Variants in SPAG17 observed in about 807,000 individuals in gnomAD.
SPAG17 encodes the protein sperm associated antigen 17, also known as sperm-associated antigen 17.
Under a neutral mutation model 273.6 loss-of-function variants are expected in SPAG17, and 169 were observed. The ratio of observed to expected loss-of-function variants is 0.62; its 90% confidence interval spans 0.55 to 0.70. The LOEUF (loss-of-function observed/expected upper bound fraction) is 0.70, where lower values mean the gene tolerates loss of function less well. SPAG17 is among the 30% of genes least tolerant of loss of function. SPAG17 has a pLI of 0.00. For synonymous variants in SPAG17, 825 were observed against 873.2 expected, an observed-to-expected ratio of 0.94 and a Z score of 0.97; for missense variants, 2,557 against 2,627.8, an observed-to-expected ratio of 0.97 and a Z score of 0.59.
Position 118,036,866 on chromosome 1 carries a change from T to C in SPAG17, c.3337A>G (p.Asn1113Asp). Residue 1113 changes from asparagine (N) to aspartate (D), a missense_variant, in exon 24 of 49, where the codon AAT (asparagine) becomes GAT (aspartate). Transcript: ENST00000336338. ...SLETEVSDAK[N>D]KAFSKFGSFS... ...GATCCAAACTTGCTGAAAGCTTTAT[T>C]CTTTGCATCTGATACTTCTAAAATA... 6.4e-7 allele frequency: 1 copy of C among 1,555,572 alleles called. No individual in the cohort carries two copies. Among genetic ancestry groups the C allele is most frequent in the South Asian group, 1.2e-5 (1 of 84,340 alleles).
At chr1:118,056,883 C>A (rs1425585284) in intron 18 of SPAG17, among the ~76,000 whole-genome samples, 1 of 152,184 alleles carries the variant, frequency 6.6e-6, no homozygotes, top group Non-Finnish European at 1.5e-5. Context: ...CATCCAAATT[C>A]TCTGGCATTT....
intron 7 of SPAG17, among the ~76,000 whole-genome samples, chr1:118,093,880 C>T (rs1479773437): frequency 6.6e-6 from 1 of 152,150 alleles, no homozygotes; most frequent in Non-Finnish European, 1.5e-5. Context: ...CTAAGAAATC[C>T]TAATAGACTA....
intron 3 of SPAG17, among the ~76,000 whole-genome samples, chr1:118,148,378 T>C (rs781310553): frequency 3.3e-4 from 50 of 152,104 alleles, no homozygotes; most frequent in African/African-American, 4.8e-5. Flanking sequence ...TCCTCCACAC[T>C]CGGCAAGGGT....
chr1:118,022,493 A>C (rs763094288), intron 28 of SPAG17, among the ~76,000 whole-genome samples: 3 of 152,204 alleles, frequency 2.0e-5, no homozygotes, highest in Non-Finnish European at 4.4e-5. Flanking sequence ...AATGCAAATC[A>C]ACATAATAAG....
chr1:118,054,241 A>G, intron 19 of SPAG17, 148 bp from the exon 20 acceptor site: 1 of 596,032 alleles, frequency 1.7e-6, no homozygotes, highest in Non-Finnish European at 2.9e-6. Flanking sequence ...CATCTCTAGA[A>G]TGAACATCTG....
intron 32 of SPAG17, among the ~76,000 whole-genome samples, chr1:118,001,389 G>A (rs1434576615): frequency 1.3e-5 from 2 of 152,210 alleles, no homozygotes; most frequent in African/African-American, 4.8e-5. Context: ...AGTTTCAGAA[G>A]GAATGGTACC....
rs146340612 is a variant in SPAG17, at chr1:118,052,409, G to T, written c.2814+1593C>A. Among the ~76,000 whole-genome samples, 423 of 151,652 alleles carry T rather than the reference G, an allele frequency of 2.8e-3. 1 individual carries two copies. Among genetic ancestry groups the T allele is most frequent in the Non-Finnish European group, 5.0e-3 (341 of 67,748 alleles). On this transcript the variant is annotated intron_variant, in intron 20 of 48. Transcript: ENST00000336338. ...ACCAGGGGCTGCAGGAAAGGGGATC[G>T]GGAAGATGTTGGTCAAGGGATGTGA...
intron 48 of SPAG17, chr1:117,959,698 C>A (rs1210047957): frequency 9.5e-6 from 3 of 316,866 alleles, no homozygotes; most frequent in African/African-American, 4.3e-5. Context: ...TTGAGCCTTG[C>A]AGCTCAAGCT....
At chr1:118,181,916 G>A (rs1239858956) in intron 1 of SPAG17, among the ~76,000 whole-genome samples, 1 of 152,056 alleles carries the variant, frequency 6.6e-6, no homozygotes, top group East Asian at 1.9e-4. Context: ...AGGAGTTTGA[G>A]ATCAGCCTGG....
intron 7 of SPAG17, 82 bp downstream of exon 7, chr1:118,097,588 T>C: frequency 8.7e-7 from 1 of 1,148,774 alleles, no homozygotes; most frequent in Admixed American, 2.7e-5. Context: ...TCAGTAACTA[T>C]CTATGTGATG....
chr1:118,179,257 T>C (rs1024702644), intron 1 of SPAG17, among the ~76,000 whole-genome samples: 3 of 151,968 alleles, frequency 2.0e-5, no homozygotes, highest in Non-Finnish European at 4.4e-5. Flanking sequence ...TGGAACAGAA[T>C]AGAGCACTCA....
In SPAG17 at chr1:117,990,884, G is replaced by C; in HGVS notation, c.5498C>G (p.Thr1833Ser). 1.9e-6 allele frequency: 3 copies of C among 1,571,768 alleles called. No individual in the cohort carries two copies. The highest frequency in any genetic ancestry group is 2.6e-6 in the Non-Finnish European group (3 of 1,152,608). Residue 1833 changes from threonine (T) to serine (S), a missense_variant, in exon 38 of 49, where the codon ACT becomes AGT. By Grantham distance (58) the Thr-to-Ser change is moderately conservative. Transcript: ENST00000336338. ...ACCTTCAGTAACATGACTTTTTGTAGTTTCCTCCATTTTAGGGAAAGACTG... is the reference window on the plus strand; with the variant it reads ...ACCTTCAGTAACATGACTTTTTGTACTTTCCTCCATTTTAGGGAAAGACTG... ...LVMSFPKMEE[T>S]TKSHVTEVAA...
rs377437800 is a variant in SPAG17 at position 118,005,654 on chromosome 1, G to A, written c.4588-52C>T. On this transcript the variant is annotated intron_variant, in intron 31 of 48. Coordinates refer to ENST00000336338, the MANE Select transcript of SPAG17 (RefSeq NM_206996.4). The stretch of plus-strand genomic sequence containing the variant: ...TTATTAAAATTTTCTTGTTAAATAT[G>A]TGGGACTTGGAAAACCATTTTAGGA... The A allele has an allele frequency of 6.1e-5, 80 of 1,311,460 alleles. No individual in the cohort carries two copies. The South Asian group carries it at 1.7e-3, about 28-fold the overall frequency. 81.2% of individuals were successfully genotyped at this position (1,311,460 alleles called of 1,614,324 possible).
intron 28 of SPAG17, among the ~76,000 whole-genome samples, chr1:118,019,928 A>T (rs1660338913): frequency 6.6e-6 from 1 of 152,246 alleles, no homozygotes; most frequent in Non-Finnish European, 1.5e-5. Flanking sequence ...CAATAAATGG[A>T]CTGAAACCCC....
chr1:118,050,878 CA>C (rs1650927148), intron 20 of SPAG17, among the ~76,000 whole-genome samples: 1 of 151,666 alleles, frequency 6.6e-6, no homozygotes, highest in African/African-American at 2.4e-5. Context: ...GCAACAAAAA[CA>C]AAAATAGACA....
chr1:117,988,221 A>G lies in SPAG17; in HGVS notation c.5522-17T>C. 1 of 1,563,828 alleles carries G rather than the reference A, an allele frequency of 6.4e-7. No homozygotes were observed. The highest frequency in any genetic ancestry group is 8.6e-7 in the Non-Finnish European group (1 of 1,157,672). ...GAGCTGCAACTTTAAACATAGATGT[A>G]TTTAACTTTTATCCCCACTTCTTTA... On this transcript the variant is annotated splice_polypyrimidine_tract_variant and intron_variant, in intron 38 of 48. Transcript: ENST00000336338.
At chr1:118,148,342 G>A (rs988740490) in intron 3 of SPAG17, among the ~76,000 whole-genome samples, 4 of 152,162 alleles carry the variant, frequency 2.6e-5, no homozygotes, top group Non-Finnish European at 5.9e-5. Context: ...AACAGCAAGA[G>A]TTGTCACAAA....
chr1:118,120,096 A>G (rs1016129848), intron 3 of SPAG17, among the ~76,000 whole-genome samples: 6 of 152,130 alleles, frequency 3.9e-5, no homozygotes, highest in Admixed American at 1.3e-4. Context: ...GTTCCCACCA[A>G]AACTGTATGA....
intron 12 of SPAG17, among the ~76,000 whole-genome samples, 159 bp downstream of exon 12, chr1:118,086,512 G>T (rs1362651864): frequency 6.6e-6 from 1 of 152,060 alleles, no homozygotes; most frequent in African/African-American, 2.4e-5. Flanking sequence ...TCTGTATCTA[G>T]GTCCATTTTC....
Sources: allele counts gnomAD v4.1 joint callset (sites outside exome capture counted in the v4.1 genomes callset), GRCh38; gene constraint gnomAD v4.1.1; transcripts MANE v1.5; gene names NCBI Gene and HGNC (gene_info 2026-07-23, HGNC 2026-07-21).